The following MCTP1 variants were observed in gnomAD, a reference collection of about 807,000 sequenced individuals.
MCTP1 encodes the protein multiple C2 and transmembrane domain-containing protein 1.
MCTP1 carries 69 observed loss-of-function variants against 120.6 expected under a neutral mutation model. The observed-to-expected ratio is 0.57, with a 90% CI of 0.47 to 0.70. The LOEUF (loss-of-function observed/expected upper bound fraction) is 0.70. Ranked by LOEUF, MCTP1 falls within the 30% of genes least tolerant of loss-of-function variation. The pLI is 0.00. For synonymous variants in MCTP1, 529 were observed against 493.1 expected (o/e 1.07, Z -0.96); for missense variants, 1,203 against 1,248.8 (o/e 0.96, Z 0.55).
chr5:94,896,154 A>C (rs943992063), intron 10 of MCTP1, among the ~76,000 whole-genome samples: 1 of 152,190 alleles, frequency 6.6e-6, no homozygotes, highest in African/African-American at 2.4e-5. Context: ...GTTCTTATCA[A>C]TAATACCTGG....
chr5:95,084,249 T>A (rs1755259399), intron 1 of MCTP1, among the ~76,000 whole-genome samples: 1 of 152,094 alleles, frequency 6.6e-6, no homozygotes, highest in African/African-American at 2.4e-5. Flanking sequence ...TAAAAAAAAT[T>A]TTAATATTTT....
intron 8 of MCTP1, 90 bp from the exon 9 acceptor site, chr5:94,913,066 C>A: frequency 1.3e-6 from 1 of 791,184 alleles, no homozygotes. Flanking sequence ...TATGATTCTT[C>A]AAAAAATAAA....
intron 1 of MCTP1, among the ~76,000 whole-genome samples, chr5:95,182,191 G>T (rs147117186): frequency 5.4e-4 from 83 of 152,310 alleles, no homozygotes; most frequent in African/African-American, 1.9e-3. Flanking sequence ...TGGGTGTGAA[G>T]AAAAGGATGA....
At chr5:95,167,053 C>T (rs528911831) in intron 1 of MCTP1, among the ~76,000 whole-genome samples, 47 of 152,036 alleles carry the variant, frequency 3.1e-4, no homozygotes, top group African/African-American at 1.0e-3. Context: ...TCTCCTAATG[C>T]TATCCTTCCC....
At chr5:94,734,650 TCTCA>T (rs1460595891) in intron 19 of MCTP1, among the ~76,000 whole-genome samples, 1 of 152,182 alleles carries the variant, frequency 6.6e-6, no homozygotes, top group African/African-American at 2.4e-5. Context: ...AGAGATAGGA[TCTCA>T]CTATTTTGTC....
rs181147517 is a variant in MCTP1 at position 95,067,120 on chromosome 5, C to T, written c.721-49636G>A. Among the ~76,000 whole-genome samples, 5 of 149,584 alleles carry T rather than the reference C, an allele frequency of 3.3e-5. No homozygotes were observed. The East Asian group carries it at 9.8e-4, about 29-fold the overall frequency. ...GAAGTAGAGAGGAGAATAGTGGTTACCAGATGCTGGGGAGGGGTGGGAGTG... is the reference window on the plus strand; with the variant it reads ...GAAGTAGAGAGGAGAATAGTGGTTATCAGATGCTGGGGAGGGGTGGGAGTG... On this transcript the variant is annotated intron_variant, in intron 1 of 22. Coordinates refer to ENST00000515393, the MANE Select transcript of MCTP1 (RefSeq NM_024717.7).
chr5:94,874,840 C>G (rs1798508557), intron 12 of MCTP1, among the ~76,000 whole-genome samples: 1 of 152,062 alleles, frequency 6.6e-6, no homozygotes, highest in African/African-American at 2.4e-5. Flanking sequence ...CAGGCAGATT[C>G]AAATAGTTTT....
chr5:95,231,946 A>G (rs1469539730), intron 1 of MCTP1, among the ~76,000 whole-genome samples: 6 of 152,138 alleles, frequency 3.9e-5, no homozygotes, highest in Non-Finnish European at 5.9e-5. Context: ...AGTGTTTTCA[A>G]CCTTAGTTCT....
At chr5:94,883,992 A>G (rs1391221947) in intron 12 of MCTP1, among the ~76,000 whole-genome samples, 5 of 152,124 alleles carry the variant, frequency 3.3e-5, no homozygotes, top group Admixed American at 2.0e-4. Context: ...CTGCCTTTTC[A>G]TTTTCTTTCT....
intron 19 of MCTP1, among the ~76,000 whole-genome samples, chr5:94,745,130 C>T (rs1354061603): frequency 6.6e-6 from 1 of 152,168 alleles, no homozygotes. Context: ...ACTGGATACG[C>T]CTGAGTGCAG....
At position 94,952,171 on chromosome 5, in the gene MCTP1, C is replaced by CAAAAAAAAAAAAAAAAAA. The variant is rs57358026; in HGVS notation, c.981+1030_981+1047dup. On this transcript the variant is annotated intron_variant, in intron 3 of 22. Transcript: ENST00000515393. ...TGGGTGACAGAATGAGACTTTGTCGCAAAAAAAAAAAAAAAAAAAAAAGCT... is the reference window on the plus strand; with the variant it reads ...TGGGTGACAGAATGAGACTTTGTCGCAAAAAAAAAAAAAAAAAAAAAAAAAAAAAAAAAAAAAAAAGCT... 4.3e-4 allele frequency among the ~76,000 whole-genome samples: 38 copies of CAAAAAAAAAAAAAAAAAA among 87,872 alleles called. 1 individual carries two copies. Among genetic ancestry groups the CAAAAAAAAAAAAAAAAAA allele is most frequent in the Admixed American group, 5.2e-4 (4 of 7,634 alleles). 57.6% of individuals were successfully genotyped at this position (87,872 alleles called of 152,430 possible).
rs1406266946 is a variant in MCTP1 at position 94,754,260 on chromosome 5, CTGA to C, written c.2610+24847_2610+24849del. On this transcript the variant is annotated intron_variant, in intron 19 of 22. Coordinates refer to ENST00000515393, the MANE Select transcript of MCTP1 (RefSeq NM_024717.7). Reference sequence around the variant, plus strand: ...CTAAGAAGCACATTATGAACAGTGGCTGATGGAGTGGAATGTCTGTGAAGAAGC... The same window carrying C: ...CTAAGAAGCACATTATGAACAGTGGCTGGAGTGGAATGTCTGTGAAGAAGC... Among the ~76,000 whole-genome samples the C allele has an allele frequency of 3.3e-5, 5 of 152,244 alleles. No homozygotes were observed. In the South Asian group the frequency reaches 1.0e-3, roughly 32 times the overall value.
intron 19 of MCTP1, among the ~76,000 whole-genome samples, chr5:94,764,811 G>A (rs1772174682): frequency 7.1e-6 from 1 of 140,268 alleles, no homozygotes; most frequent in Non-Finnish European, 1.5e-5. Context: ...TGTCAGCACT[G>A]GATAGATGAC....
intron 18 of MCTP1, among the ~76,000 whole-genome samples, chr5:94,793,957 C>T (rs971180567): frequency 6.6e-6 from 1 of 152,114 alleles, no homozygotes; most frequent in Non-Finnish European, 1.5e-5. Flanking sequence ...TAATGGGAGA[C>T]AATATTCAGT....
intron 2 of MCTP1, among the ~76,000 whole-genome samples, chr5:94,953,710 T>G (rs915470977): frequency 1.3e-5 from 2 of 148,330 alleles, no homozygotes; most frequent in African/African-American, 2.5e-5. Flanking sequence ...CTTTTCACAA[T>G]AGCAAAGACA....
At position 95,208,728 on chromosome 5, in the gene MCTP1, G is replaced by GA. The variant is rs35256756; in HGVS notation, c.720+75127dup. ...AACCTGTTCATCTTCAACCCTTTCA[G>GA]AAAAAAAAAAAAAAAGTTCTAGAAC... On this transcript the variant is annotated intron_variant, in intron 1 of 22. Transcript: ENST00000515393. 8.6e-3 allele frequency among the ~76,000 whole-genome samples: 1,092 copies of GA among 126,766 alleles called. 10 individuals are homozygous for GA. The highest frequency in any genetic ancestry group is 0.02 in the African/African-American group (663 of 32,964). The allele number at this position is 126,766 out of a possible 152,430, so 83.2% of individuals were successfully genotyped here.
At position 95,156,972 on chromosome 5, in the gene MCTP1, T is replaced by C. The variant is rs148199985; in HGVS notation, c.720+126884A>G. Among the ~76,000 whole-genome samples the C allele has an allele frequency of 7.5e-4, 114 of 152,296 alleles. 1 individual carries two copies. The East Asian group carries it at 0.019, about 26-fold the overall frequency. On this transcript the variant is annotated intron_variant, in intron 1 of 22. Transcript: ENST00000515393. The stretch of plus-strand genomic sequence containing the variant: ...TTATGAGTAGAGAGAGAGTCAAGCT[T>C]GCTAAGAAATGTGATTTGAGGAGTA...
chr5:95,111,267 A>C (rs1757430513), intron 1 of MCTP1, among the ~76,000 whole-genome samples: 1 of 152,196 alleles, frequency 6.6e-6, no homozygotes, highest in African/African-American at 2.4e-5. Context: ...ATAACTAGTG[A>C]TGATAGTGCT....
At chr5:95,031,091 A>T (rs954322187) in intron 1 of MCTP1, among the ~76,000 whole-genome samples, 8 of 152,054 alleles carry the variant, frequency 5.3e-5, no homozygotes, top group Non-Finnish European at 7.4e-5. Context: ...ACAAAAATTT[A>T]AAAAAAATTA....
Sources: allele counts gnomAD v4.1 joint callset (sites outside exome capture counted in the v4.1 genomes callset), GRCh38; gene constraint gnomAD v4.1.1; transcripts MANE v1.5; gene names NCBI Gene and HGNC (gene_info 2026-07-23, HGNC 2026-07-21).